The following FOCAD variants were observed in gnomAD, a reference collection of about 807,000 sequenced individuals.
The protein encoded by FOCAD is KIAA1797.
In FOCAD, 198 loss-of-function variants were observed where a neutral mutation model predicts 225.6. The ratio of observed to expected loss-of-function variants is 0.88; its 90% CI spans 0.78 to 0.99. The LOEUF (loss-of-function observed/expected upper bound fraction) is 0.99. Ranked by LOEUF, FOCAD falls within the 50% of genes least tolerant of loss-of-function variation. The probability of loss-of-function intolerance (pLI) is 0.00; values close to 1 mark genes in which losing one functional copy is unlikely to be tolerated. For missense variants in FOCAD, 2,713 were observed against 2,123.6 expected (o/e 1.28, Z -5.46); for synonymous variants, 897 against 755.0 (o/e 1.19, Z -3.08).
intron 24 of FOCAD, among the ~76,000 whole-genome samples, chr9:20,919,059 C>G (rs1463223904): frequency 6.6e-6 from 1 of 152,092 alleles, no homozygotes; most frequent in Non-Finnish European, 1.5e-5. Context: ...TGGGATGATC[C>G]TGATTTGTTC....
Position 20,820,394 on chromosome 9 carries a change from T to G in FOCAD, c.1631T>G (p.Leu544Trp). ...ACACCACGACTAAGAGCTGTCACTTTGCGCTTGCTGACATCTTTGTGGGAA... is the reference window on the plus strand; with the variant it reads ...ACACCACGACTAAGAGCTGTCACTTGGCGCTTGCTGACATCTTTGTGGGAA... Reference protein sequence around the residue: ...GTTPRLRAVTLRLLTSLWEKQ... With the variant: ...GTTPRLRAVTWRLLTSLWEKQ... Residue 544 changes from leucine (L) to tryptophan (W), a missense_variant, in exon 13 of 44, where the codon TTG (leucine) becomes TGG (tryptophan). Physicochemically the swap from Leu to Trp is moderately conservative, Grantham distance 61 (BLOSUM62 -2). Coordinates refer to ENST00000338382, the MANE Select transcript of FOCAD (RefSeq NM_001375567.1). 1 of 1,612,932 alleles carries G rather than the reference T, an allele frequency of 6.2e-7. No individual in the cohort carries two copies.
At chr9:20,691,024 C>G (rs1822944206) in intron 1 of FOCAD, among the ~76,000 whole-genome samples, 1 of 151,568 alleles carries the variant, frequency 6.6e-6, no homozygotes, top group Admixed American at 6.6e-5. Flanking sequence ...CTCACTGCAA[C>G]CTTCATCTCT....
At chr9:20,976,182 C>A (rs976399876) in intron 35 of FOCAD, 1 of 217,254 alleles carries the variant, frequency 4.6e-6, no homozygotes, top group Admixed American at 5.1e-5. Context: ...TAAATATATA[C>A]AGTTATTATA....
intron 19 of FOCAD, among the ~76,000 whole-genome samples, chr9:20,878,721 A>G (rs1830431633): frequency 6.6e-6 from 1 of 152,186 alleles, no homozygotes; most frequent in Non-Finnish European, 1.5e-5. Flanking sequence ...TGATTACAGT[A>G]GCTAAGTTGT....
At chr9:20,789,994 A>G (rs1417830344) in intron 11 of FOCAD, among the ~76,000 whole-genome samples, 1 of 152,218 alleles carries the variant, frequency 6.6e-6, no homozygotes, top group Non-Finnish European at 1.5e-5. Context: ...AATTCAGGAT[A>G]AGGGAGCCTA....
intron 1 of FOCAD, among the ~76,000 whole-genome samples, chr9:20,689,063 G>A (rs1035845067): frequency 1.3e-5 from 2 of 152,170 alleles, no homozygotes; most frequent in African/African-American, 4.8e-5. Context: ...GCCAGGAGGA[G>A]CTGAAAGATT....
At chr9:20,719,951 A>G (rs1308278326) in intron 3 of FOCAD, among the ~76,000 whole-genome samples, 1 of 152,122 alleles carries the variant, frequency 6.6e-6, no homozygotes, top group Non-Finnish European at 1.5e-5. Context: ...GTAGGAGAGA[A>G]GGAACATCTT....
intron 40 of FOCAD, among the ~76,000 whole-genome samples, chr9:20,986,827 T>C (rs1421090090): frequency 6.6e-6 from 1 of 152,180 alleles, no homozygotes; most frequent in African/African-American, 2.4e-5. Flanking sequence ...GGTAGTCATT[T>C]AACAAACAAG....
At chr9:20,983,722 A>G (rs1587784987) in intron 39 of FOCAD, among the ~76,000 whole-genome samples, 1 of 152,172 alleles carries the variant, frequency 6.6e-6, no homozygotes, top group African/African-American at 2.4e-5. Flanking sequence ...ATTTGCTAGC[A>G]ATGCGATCTT....
chr9:20,879,145 T>C (rs528846929), intron 19 of FOCAD, among the ~76,000 whole-genome samples: 64 of 152,300 alleles, frequency 4.2e-4, no homozygotes, highest in African/African-American at 1.5e-3. Flanking sequence ...CCAGCCAAGT[T>C]GACACTTAAG....
At chr9:20,674,803 C>G (rs1299321857) in intron 2 of FOCAD, among the ~76,000 whole-genome samples, 2 of 152,226 alleles carry the variant, frequency 1.3e-5, no homozygotes, top group Non-Finnish European at 2.9e-5. Flanking sequence ...TAAATGATAG[C>G]TGTGCTTTTC....
At chr9:20,766,938 T>C (rs1354608674) in intron 7 of FOCAD, among the ~76,000 whole-genome samples, 1 of 152,120 alleles carries the variant, frequency 6.6e-6, no homozygotes, top group East Asian at 1.9e-4. Context: ...ACTCGTCATC[T>C]AGCATTAGGT....
chr9:20,889,172 T>C (rs185194854), intron 21 of FOCAD, among the ~76,000 whole-genome samples: 1 of 152,334 alleles, frequency 6.6e-6, no homozygotes, highest in East Asian at 1.9e-4. Context: ...ACTAATCTAC[T>C]TTCTGCCTCT....
At chr9:20,833,099 G>A (rs757691245) in intron 15 of FOCAD, among the ~76,000 whole-genome samples, 6 of 151,968 alleles carry the variant, frequency 3.9e-5, no homozygotes, top group African/African-American at 1.2e-4. Flanking sequence ...TTCTGTAATA[G>A]CTGTACCAAT....
intron 41 of FOCAD, among the ~76,000 whole-genome samples, chr9:20,988,947 A>C (rs1587798851): frequency 6.6e-6 from 1 of 152,244 alleles, no homozygotes; most frequent in Middle Eastern, 3.4e-3. Flanking sequence ...TATGGAGGGG[A>C]ATTTTTATCA....
rs1359290615 is a variant in FOCAD at position 20,770,158 on chromosome 9, A to G, written c.826A>G (p.Ser276Gly). 8.7e-6 allele frequency: 14 copies of G among 1,613,996 alleles called. No homozygotes were observed. Among genetic ancestry groups the G allele is most frequent in the Non-Finnish European group, 1.1e-5 (13 of 1,180,000 alleles). ...GATGAGTCTTCAGCTGCTGTGTGTC[A>G]GTGAAGTCAGCTTAAAGATAACTGG... is the stretch of plus-strand genomic sequence containing the variant. ...TQMSLQLLCV[S>G]EVSLKITGEC... Residue 276 changes from serine (S) to glycine (G), a missense_variant, in exon 8 of 44, where the codon AGT (serine) becomes GGT (glycine). Transcript: ENST00000338382.
intron 4 of FOCAD, among the ~76,000 whole-genome samples, chr9:20,730,772 A>G (rs1374576023): frequency 9.2e-5 from 14 of 152,194 alleles, no homozygotes; most frequent in Admixed American, 9.2e-4. Flanking sequence ...AGGGTGGTAG[A>G]TTTAGCTATG....
intron 18 of FOCAD, among the ~76,000 whole-genome samples, chr9:20,869,518 G>A (rs1587456385): frequency 6.6e-6 from 1 of 152,236 alleles, no homozygotes; most frequent in African/African-American, 2.4e-5. Context: ...AACAAAAAGA[G>A]TAAGAGGATT....
At chr9:20,676,974 C>A (rs533326376) in intron 2 of FOCAD, among the ~76,000 whole-genome samples, 2 of 152,326 alleles carry the variant, frequency 1.3e-5, no homozygotes, top group East Asian at 3.9e-4. Flanking sequence ...TATCATACTT[C>A]TTGATTTCAA....
Sources: gnomAD v4.1 joint callset for allele counts (sites outside exome capture counted in the v4.1 genomes callset) on GRCh38, gnomAD v4.1.1 for gene constraint, MANE v1.5 for transcripts, NCBI Gene and HGNC (gene_info 2026-07-23, HGNC 2026-07-21) for gene names.